Variants in NT5M observed in about 807,000 individuals in gnomAD.
NT5M encodes 5'(3')-deoxyribonucleotidase, mitochondrial.
NT5M carries 22 observed loss-of-function variants against 22.2 expected under a neutral mutation model. That is an observed-to-expected ratio of 0.99 (90% CI 0.71 to 1.41). The LOEUF is 1.41. Ranked by LOEUF, NT5M falls within the 40% of genes most tolerant of loss-of-function variation. The pLI is 0.00. For synonymous variants in NT5M, 167 were observed against 133.0 expected (o/e 1.26, Z -1.76); for missense variants, 322 against 314.8 (o/e 1.02, Z -0.17).
chr17:17,333,265 A>G (rs2049425457), intron 3 of NT5M, among the ~76,000 whole-genome samples: 2 of 152,058 alleles, frequency 1.3e-5, no homozygotes, highest in South Asian at 4.2e-4. Context: ...TTTTACAAAT[A>G]TTTTATCCCA....
intron 3 of NT5M, among the ~76,000 whole-genome samples, chr17:17,326,340 C>T (rs2049265331): frequency 6.6e-6 from 1 of 152,206 alleles, no homozygotes; most frequent in African/African-American, 2.4e-5. Flanking sequence ...AGCCTGTGCC[C>T]ACCGCCAGTG....
At chr17:17,319,452 C>A (rs552459236) in intron 2 of NT5M, among the ~76,000 whole-genome samples, 1 of 152,046 alleles carries the variant, frequency 6.6e-6, no homozygotes, top group Non-Finnish European at 1.5e-5. Context: ...TATATGAATT[C>A]TATCTCAGTA....
At chr17:17,314,141 C>G (rs1238247936) in intron 2 of NT5M, among the ~76,000 whole-genome samples, 1 of 151,330 alleles carries the variant, frequency 6.6e-6, no homozygotes, top group East Asian at 1.9e-4. Flanking sequence ...TCAAGTGATT[C>G]TCCTGCCTCA....
At chr17:17,310,320 G>A (rs1597745827) in intron 2 of NT5M, among the ~76,000 whole-genome samples, 1 of 152,074 alleles carries the variant, frequency 6.6e-6, no homozygotes, top group Non-Finnish European at 1.5e-5. Context: ...AAGGCAGGAG[G>A]ATCACTTGAG....
chr17:17,323,359 T>G, intron 3 of NT5M, 114 bp downstream of exon 3: 1 of 877,286 alleles, frequency 1.1e-6, no homozygotes, highest in Non-Finnish European at 1.9e-6. Flanking sequence ...CCCCCACCTC[T>G]GTGACAGCGG....
intron 3 of NT5M, among the ~76,000 whole-genome samples, chr17:17,340,819 C>T (rs1445107902): frequency 2.0e-5 from 3 of 152,120 alleles, no homozygotes; most frequent in Admixed American, 6.6e-5. Context: ...CCACCGCGCC[C>T]GGCCTGCTCT....
intron 2 of NT5M, 26 bp from the exon 3 acceptor site, chr17:17,323,159 C>T (rs369299898): frequency 8.1e-6 from 13 of 1,610,162 alleles, no homozygotes; most frequent in Non-Finnish European, 6.8e-6. Context: ...GGGCTGCAGG[C>T]TCAACCTCCT....
intron 2 of NT5M, among the ~76,000 whole-genome samples, chr17:17,322,538 G>A (rs997064006): frequency 6.6e-6 from 1 of 152,302 alleles, no homozygotes; most frequent in East Asian, 1.9e-4. Context: ...TGAGGGACGC[G>A]TTTGCCAGAG....
intron 2 of NT5M, among the ~76,000 whole-genome samples, chr17:17,322,058 G>T (rs1567888991): frequency 6.6e-6 from 1 of 152,052 alleles, no homozygotes; most frequent in Non-Finnish European, 1.5e-5. Context: ...CAAGGTGTTG[G>T]ATCTGTACCT....
chr17:17,315,140 T>A (rs891417750), intron 2 of NT5M, among the ~76,000 whole-genome samples: 33 of 107,062 alleles, frequency 3.1e-4, no homozygotes, highest in African/African-American at 1.1e-3. Flanking sequence ...AAAAAAAAAT[T>A]TTTTTTTAAC....
chr17:17,315,113 A>C (rs1597754684), intron 2 of NT5M, among the ~76,000 whole-genome samples: 1 of 151,814 alleles, frequency 6.6e-6, no homozygotes. Context: ...GCATAATCCC[A>C]CAGTAATTGT....
At chr17:17,323,340 C>A in intron 3 of NT5M, 95 bp downstream of exon 3, 1 of 1,000,078 alleles carries the variant, frequency 1.0e-6, no homozygotes, top group Non-Finnish European at 1.6e-6. Flanking sequence ...GATGGACCCT[C>A]ACAGCACTCC....
At chr17:17,335,464 T>G (rs997484781) in intron 3 of NT5M, among the ~76,000 whole-genome samples, 5 of 151,970 alleles carry the variant, frequency 3.3e-5, no homozygotes, top group Non-Finnish European at 7.4e-5. Flanking sequence ...TAATTTTTAA[T>G]TTTTGTGGGT....
At chr17:17,313,139 G>A (rs1189625113) in intron 2 of NT5M, among the ~76,000 whole-genome samples, 6 of 151,434 alleles carry the variant, frequency 4.0e-5, no homozygotes, top group Non-Finnish European at 7.4e-5. Flanking sequence ...TGTGGTGGGC[G>A]TGGTGGGGCA....
intron 3 of NT5M, among the ~76,000 whole-genome samples, chr17:17,344,450 G>A (rs947221307): frequency 2.3e-4 from 35 of 152,296 alleles, no homozygotes; most frequent in African/African-American, 8.2e-4. Flanking sequence ...TGGCCCAGCA[G>A]GTGGCAGGGG....
At chr17:17,308,330 A>G (rs1012898012) in intron 2 of NT5M, among the ~76,000 whole-genome samples, 1 of 152,162 alleles carries the variant, frequency 6.6e-6, no homozygotes. Flanking sequence ...GCCGTGGCTC[A>G]TGCCTACAAT....
intron 2 of NT5M, among the ~76,000 whole-genome samples, chr17:17,314,399 C>T (rs902638506): frequency 2.5e-4 from 38 of 152,150 alleles, no homozygotes; most frequent in African/African-American, 8.0e-4. Flanking sequence ...GTTGACCTCT[C>T]TCCCTGCATA....
intron 2 of NT5M, among the ~76,000 whole-genome samples, chr17:17,317,391 A>G (rs1268148269): frequency 2.0e-5 from 3 of 152,206 alleles, no homozygotes; most frequent in Non-Finnish European, 4.4e-5. Flanking sequence ...ATGAATTTGG[A>G]TAGACATTTT....
rs200516531 is a variant in NT5M at position 17,346,971 on chromosome 17, C to A, written c.*24C>A. 3 of 1,608,156 alleles carry A rather than the reference C, an allele frequency of 1.9e-6. No individual in the cohort carries two copies. In the Admixed American group the frequency reaches 5.0e-5, roughly 27 times the overall value. Reference sequence around the variant, plus strand: ...GAGCTGGACTGTGCTTCGGGCTCCTCTGTGGGGCTCTGACCTCAGGGCTCC... The same window carrying A: ...GAGCTGGACTGTGCTTCGGGCTCCTATGTGGGGCTCTGACCTCAGGGCTCC... On this transcript the variant is annotated 3_prime_UTR_variant, in exon 5 of 5. Coordinates refer to ENST00000389022, the MANE Select transcript of NT5M (RefSeq NM_020201.4).
Sources: allele counts gnomAD v4.1 joint callset (sites outside exome capture counted in the v4.1 genomes callset), GRCh38; gene constraint gnomAD v4.1.1; transcripts MANE v1.5; gene names NCBI Gene and HGNC (gene_info 2026-07-23, HGNC 2026-07-21).